Variants in OXR1 observed in about 807,000 individuals in gnomAD.
OXR1 encodes oxidation resistance 1.
In OXR1, 41 loss-of-function variants were observed where a neutral mutation model predicts 104.6. That is an observed-to-expected ratio of 0.39 (90% confidence interval 0.31 to 0.51). The LOEUF (loss-of-function observed/expected upper bound fraction) is 0.51, where lower values mean the gene tolerates loss of function less well. Among genes scored for constraint, OXR1 ranks in the 20% least tolerant of loss-of-function variants. OXR1 has a pLI of 0.77. For missense variants in OXR1, 955 were observed against 1,031.9 expected (o/e 0.93, Z 1.02); for synonymous variants, 348 against 348.4 (o/e 1.00, Z 0.01).
At chr8:106,641,612 C>CA (rs920477790) in intron 3 of OXR1, among the ~76,000 whole-genome samples, 7 of 151,908 alleles carry the variant, frequency 4.6e-5, no homozygotes, top group Non-Finnish European at 8.8e-5. Flanking sequence ...GTAGCATACC[C>CA]AAAAAATCAA....
chr8:106,303,538 G>A lies in OXR1; in HGVS notation c.-139+33171G>A, dbSNP rs140314432. Among the ~76,000 whole-genome samples, 77 of 151,920 alleles carry A rather than the reference G, an allele frequency of 5.1e-4. 1 individual carries two copies. In the East Asian group the frequency reaches 0.013, roughly 26 times the overall value. On this transcript the variant is annotated intron_variant, in intron 1 of 16. Transcript: ENST00000517566. The stretch of plus-strand genomic sequence containing the variant: ...CAGGTGTGAGCTACCGAGCCCGGCC[G>A]GAACTTGGCAATTTGTATACCTTAC...
rs1277864481 is a variant in OXR1, at chr8:106,368,350, C to A, written c.23+8714C>A. 7.2e-5 allele frequency among the ~76,000 whole-genome samples: 11 copies of A among 152,172 alleles called. No homozygotes were observed. The South Asian group carries it at 2.3e-3, about 32-fold the overall frequency. On this transcript the variant is annotated intron_variant, in intron 2 of 16. Coordinates refer to ENST00000517566, the MANE Select transcript of OXR1 (RefSeq NM_001198533.2). The stretch of plus-strand genomic sequence containing the variant: ...ATACATTTTAAGAGATTCAACAAAT[C>A]TGACACATCTGAATAATTAAGGACA...
intron 6 of OXR1, among the ~76,000 whole-genome samples, chr8:106,685,223 T>TA (rs1828581795): frequency 6.6e-6 from 1 of 152,192 alleles, no homozygotes; most frequent in Non-Finnish European, 1.5e-5. Context: ...AATGACACAA[T>TA]ACCTTTTTGA....
At chr8:106,505,690 G>T (rs1282054010) in intron 2 of OXR1, among the ~76,000 whole-genome samples, 1 of 152,190 alleles carries the variant, frequency 6.6e-6, no homozygotes, top group Non-Finnish European at 1.5e-5. Context: ...GTGGAGGTAA[G>T]AGCATATGCA....
chr8:106,431,797 GTAT>G (rs1349040470), intron 2 of OXR1, among the ~76,000 whole-genome samples: 1 of 152,160 alleles, frequency 6.6e-6, no homozygotes, highest in Non-Finnish European at 1.5e-5. Context: ...TCTGTTTAGA[GTAT>G]TATTCTTCTG....
rs1170545904 is a variant in OXR1, at chr8:106,703,225, C to T, written c.860+135C>T. 8 of 573,016 alleles carry T rather than the reference C, an allele frequency of 1.4e-5. 1 individual carries two copies. The highest frequency in any genetic ancestry group is 1.1e-4 in the East Asian group (4 of 36,052). 35.5% of individuals were successfully genotyped at this position (573,016 alleles called of 1,614,324 possible). On this transcript the variant is annotated intron_variant, in intron 8 of 16. Coordinates refer to ENST00000517566, the MANE Select transcript of OXR1 (RefSeq NM_001198533.2). ...GTCAATAATGAAACGAAAATATATGCATTATTGAGAAGATTATTCTTAATT... is the reference window on the plus strand; with the variant it reads ...GTCAATAATGAAACGAAAATATATGTATTATTGAGAAGATTATTCTTAATT...
chr8:106,564,828 T>C (rs548375849), intron 3 of OXR1, among the ~76,000 whole-genome samples: 1 of 152,284 alleles, frequency 6.6e-6, no homozygotes, highest in Non-Finnish European at 1.5e-5. Flanking sequence ...TGGTTCAACA[T>C]AAGCAAATCA....
At chr8:106,698,640 T>C (rs1830303550) in intron 7 of OXR1, among the ~76,000 whole-genome samples, 1 of 152,146 alleles carries the variant, frequency 6.6e-6, no homozygotes, top group South Asian at 2.1e-4. Context: ...CACCAATTTT[T>C]TTTCTGCCAT....
At chr8:106,491,939 A>G (rs534789154) in intron 2 of OXR1, among the ~76,000 whole-genome samples, 12 of 152,338 alleles carry the variant, frequency 7.9e-5, no homozygotes, top group African/African-American at 2.9e-4. Flanking sequence ...CAAAAGTGAT[A>G]TAAAATGCTA....
At chr8:106,311,233 G>C (rs1290287067) in intron 1 of OXR1, among the ~76,000 whole-genome samples, 2 of 151,852 alleles carry the variant, frequency 1.3e-5, no homozygotes, top group Non-Finnish European at 1.5e-5. Context: ...ATAGTATCCT[G>C]TTCTTGTTTC....
intron 3 of OXR1, chr8:106,604,757 A>G (rs1311855550): frequency 1.3e-5 from 2 of 152,232 alleles, no homozygotes; most frequent in African/African-American, 4.8e-5. Flanking sequence ...ATTGTGACAT[A>G]AGTTTTTCTT....
intron 1 of OXR1, among the ~76,000 whole-genome samples, chr8:106,288,410 A>G (rs556777179): frequency 6.6e-6 from 1 of 152,038 alleles, no homozygotes; most frequent in Non-Finnish European, 1.5e-5. Flanking sequence ...ACAAAAGTAG[A>G]AGGAATGTCC....
At chr8:106,492,609 C>T (rs1320442052) in intron 2 of OXR1, among the ~76,000 whole-genome samples, 1 of 152,174 alleles carries the variant, frequency 6.6e-6, no homozygotes, top group Admixed American at 6.6e-5. Flanking sequence ...ACCATTCCCC[C>T]CTCCAGGCTC....
chr8:106,296,591 G>T (rs911590576), intron 1 of OXR1, among the ~76,000 whole-genome samples: 7 of 152,106 alleles, frequency 4.6e-5, no homozygotes, highest in Admixed American at 4.6e-4. Flanking sequence ...ATTGAGTTCT[G>T]GTTTTCTCAT....
At chr8:106,478,610 TA>T in intron 2 of OXR1, among the ~76,000 whole-genome samples, 1 of 151,808 alleles carries the variant, frequency 6.6e-6, no homozygotes, top group East Asian at 1.9e-4. Context: ...ATACTGGACT[TA>T]GTTAAATCCA....
In OXR1 at chr8:106,577,588, C is replaced by T. The variant is rs537693134; in HGVS notation, c.220+58449C>T. 5.3e-5 allele frequency among the ~76,000 whole-genome samples: 8 copies of T among 151,954 alleles called. No homozygotes were observed. The East Asian group carries it at 9.7e-4, about 18-fold the overall frequency. On this transcript the variant is annotated intron_variant, in intron 3 of 16. Transcript: ENST00000517566. Reference sequence around the variant, plus strand: ...GTATTTTTAGTAGAGACAAGGTTTACCAGGTCGGCCAGGCTGGTCTCGAAC... The same window carrying T: ...GTATTTTTAGTAGAGACAAGGTTTATCAGGTCGGCCAGGCTGGTCTCGAAC...
chr8:106,669,638 T>C (rs998089265), intron 3 of OXR1, among the ~76,000 whole-genome samples: 3 of 152,160 alleles, frequency 2.0e-5, no homozygotes, highest in African/African-American at 7.2e-5. Context: ...AATACTGACT[T>C]GCAGCTCAAT....
intron 2 of OXR1, among the ~76,000 whole-genome samples, chr8:106,472,321 C>G (rs1014177349): frequency 2.0e-5 from 3 of 151,560 alleles, no homozygotes; most frequent in African/African-American, 7.3e-5. Flanking sequence ...GTTTTTTTCC[C>G]CAGTTTAAAT....
chr8:106,748,201 G>T (rs1279002892), intron 16 of OXR1, among the ~76,000 whole-genome samples: 1 of 152,150 alleles, frequency 6.6e-6, no homozygotes, highest in Non-Finnish European at 1.5e-5. Flanking sequence ...TCTGAAACAT[G>T]ATAAATGCAC....
Sources: allele counts gnomAD v4.1 joint callset (sites outside exome capture counted in the v4.1 genomes callset), GRCh38; gene constraint gnomAD v4.1.1; transcripts MANE v1.5; gene names NCBI Gene and HGNC (gene_info 2026-07-23, HGNC 2026-07-21).